HECTD4: variants seen among roughly 807,000 people sequenced by gnomAD.
HECTD4 encodes probable E3 ubiquitin-protein ligase HECTD4.
HECTD4 carries 114 observed loss-of-function variants against 471.5 expected under a neutral mutation model. The ratio of observed to expected loss-of-function variants is 0.24; its 90% CI spans 0.21 to 0.28. The LOEUF (loss-of-function observed/expected upper bound fraction) is 0.28, where lower values mean the gene tolerates loss of function less well. Among genes scored for constraint, HECTD4 ranks in the 10% least tolerant of loss-of-function variants. HECTD4 has a pLI of 1.00. For missense variants in HECTD4, 3,866 were observed against 5,651.5 expected (o/e 0.68, Z 10.13); for synonymous variants, 2,012 against 2,256.0 (o/e 0.89, Z 3.07).
At position 112,282,539 on chromosome 12, in the gene HECTD4, T is replaced by C. The variant is rs138896642; in HGVS notation, c.1528+571A>G. On this transcript the variant is annotated intron_variant, in intron 8 of 75. Coordinates refer to ENST00000682272, the MANE Select transcript of HECTD4 (RefSeq NM_001388303.1). Reference sequence around the variant, plus strand: ...CATAAACAAACACTGGAAGGATAAATGAAAACTAATAAATATAGTTACCTG... The same window carrying C: ...CATAAACAAACACTGGAAGGATAAACGAAAACTAATAAATATAGTTACCTG... Among the ~76,000 whole-genome samples the C allele has an allele frequency of 2.3e-3, 344 of 152,252 alleles. 1 individual carries two copies. Among genetic ancestry groups the C allele is most frequent in the African/African-American group, 7.5e-3 (313 of 41,554 alleles).
At chr12:112,292,766 T>C (rs557353099) in intron 7 of HECTD4, among the ~76,000 whole-genome samples, 11 of 152,186 alleles carry the variant, frequency 7.2e-5, no homozygotes, top group Non-Finnish European at 1.6e-4. Context: ...CTCATGCCTG[T>C]AATCCCAGCA....
At chr12:112,268,164 C>T (rs1007257543) in intron 13 of HECTD4, among the ~76,000 whole-genome samples, 2 of 152,114 alleles carry the variant, frequency 1.3e-5, no homozygotes, top group East Asian at 3.8e-4. Context: ...TAATCAAGTG[C>T]ACATATTTAC....
intron 1 of HECTD4, among the ~76,000 whole-genome samples, chr12:112,340,028 GAC>G (rs1384580491): frequency 6.7e-6 from 1 of 150,146 alleles, no homozygotes; most frequent in African/African-American, 2.5e-5. Flanking sequence ...CAGCCTGGGT[GAC>G]AGAGTGAGAC....
intron 1 of HECTD4, chr12:112,321,864 A>G (rs1207444488): frequency 2.6e-5 from 4 of 152,110 alleles, no homozygotes; most frequent in African/African-American, 9.6e-5. Flanking sequence ...CAATTAGCAA[A>G]GGAGAAAGAA....
chr12:112,286,804 G>A (rs1004212821), intron 7 of HECTD4, among the ~76,000 whole-genome samples: 1 of 152,136 alleles, frequency 6.6e-6, no homozygotes, highest in African/African-American at 2.4e-5. Flanking sequence ...GGCCTCACAA[G>A]GGCCAATGTC....
intron 13 of HECTD4, among the ~76,000 whole-genome samples, chr12:112,268,702 G>A (rs1260749421): frequency 6.6e-6 from 1 of 150,972 alleles, no homozygotes; most frequent in Non-Finnish European, 1.5e-5. Context: ...ATTGCGGTGA[G>A]CTGAGATCAC....
In HECTD4 at chr12:112,314,510, T is replaced by C. The variant is rs757581919; in HGVS notation, c.732A>G (p.Leu244=). 3.9e-6 allele frequency: 6 copies of C among 1,531,950 alleles called. No homozygotes were observed. Among genetic ancestry groups the C allele is most frequent in the South Asian group, 2.4e-5 (2 of 83,960 alleles). 94.9% of individuals were successfully genotyped at this position (1,531,950 alleles called of 1,614,324 possible). The change falls in exon 3 of 76, where the codon CTA becomes CTG. Residue 244 remains leucine, a synonymous_variant. Coordinates refer to ENST00000682272, the MANE Select transcript of HECTD4 (RefSeq NM_001388303.1). Reference sequence around the variant, plus strand: ...ACCCTAGATCCGTCTGTTTCTGTAATAGATGGACTGTGTGGACGAAAGTTT... The same window carrying C: ...ACCCTAGATCCGTCTGTTTCTGTAACAGATGGACTGTGTGGACGAAAGTTT... The part of the protein sequence containing the change: ...SLKTFVHTVH[L]LQKQTDLGSL...
At position 112,359,100 on chromosome 12, in the gene HECTD4, C is replaced by A. The variant is rs1046642516; in HGVS notation, c.177+22852G>T. On this transcript the variant is annotated intron_variant, in intron 1 of 75. Coordinates refer to ENST00000682272, the MANE Select transcript of HECTD4 (RefSeq NM_001388303.1). ...CTGAGGCAGGAGAATGGCGTGAATG[C>A]GGGAGGCAGAGGCTGCAATGAGTCG... 9.2e-5 allele frequency among the ~76,000 whole-genome samples: 14 copies of A among 151,458 alleles called. No homozygotes were observed. In the East Asian group the frequency reaches 2.3e-3, roughly 25 times the overall value.
rs890653160 is a variant in HECTD4 at position 112,382,087 on chromosome 12, G to GGCCGCC, written c.36_41dup (p.Ala14_Ala15dup). 107 of 1,225,402 alleles carry GGCCGCC rather than the reference G, an allele frequency of 8.7e-5. No homozygotes were observed. The highest frequency in any genetic ancestry group is 4.1e-4 in the South Asian group (10 of 24,302). The allele number at this position is 1,225,402 out of a possible 1,614,324, so 75.9% of individuals were successfully genotyped here. ...CCGAGAGCCACTGCGCCGAGTCAGC[G>GGCCGCC]GCCGCCGCCGCCGCCGCCGCCGCGG... On this transcript the variant is annotated inframe_insertion, in exon 1 of 76. Transcript: ENST00000682272.
chr12:112,368,131 A>G, intron 1 of HECTD4, among the ~76,000 whole-genome samples: 1 of 152,226 alleles, frequency 6.6e-6, no homozygotes, highest in East Asian at 1.9e-4. Context: ...TTGTTAATCT[A>G]AAATTGCTAC....
chr12:112,285,644 C>T (rs569557641), intron 7 of HECTD4, among the ~76,000 whole-genome samples: 11 of 152,164 alleles, frequency 7.2e-5, no homozygotes, highest in Non-Finnish European at 1.6e-4. Flanking sequence ...TCAATGAATA[C>T]TCGATTGCTT....
At chr12:112,357,454 G>A (rs992287456) in intron 1 of HECTD4, among the ~76,000 whole-genome samples, 25 of 152,142 alleles carry the variant, frequency 1.6e-4, no homozygotes, top group Non-Finnish European at 5.9e-5. Flanking sequence ...GCTTGAGTCT[G>A]GGAGGTTGAG....
chr12:112,307,235 AC>A (rs1230078912), intron 6 of HECTD4, among the ~76,000 whole-genome samples: 94 of 152,268 alleles, frequency 6.2e-4, no homozygotes, highest in East Asian at 1.9e-4. Context: ...TTTCACATGA[AC>A]TTTTTTCCAG....
Position 112,210,213 on chromosome 12 carries a change from C to T in HECTD4, c.7669G>A (p.Ala2557Thr), listed in dbSNP as rs758569625. 8 of 1,613,774 alleles carry T rather than the reference C, an allele frequency of 5.0e-6. No individual in the cohort carries two copies. The East Asian group carries it at 1.6e-4, about 31-fold the overall frequency. Residue 2557 changes from alanine (A) to threonine (T), a missense_variant, in exon 50 of 76, where the codon GCC becomes ACC. Ala to Thr is a moderately conservative substitution (Grantham distance 58). Coordinates refer to ENST00000682272, the MANE Select transcript of HECTD4 (RefSeq NM_001388303.1). ...TRANFGSRPF[A>T]YAEGQAHRNA... ...CGGTGGGCCTGCCCTTCCGCGTAGGCAAACGGCCGGGAGCCAAAGTTAGCT... is the reference window on the plus strand; with the variant it reads ...CGGTGGGCCTGCCCTTCCGCGTAGGTAAACGGCCGGGAGCCAAAGTTAGCT...
chr12:112,248,257 A>G (rs2033804880), intron 26 of HECTD4, 63 bp downstream of exon 26: 1 of 1,522,866 alleles, frequency 6.6e-7, no homozygotes, highest in Non-Finnish European at 8.9e-7. Flanking sequence ...AAATTAGATC[A>G]CATTCTAAAT....
chr12:112,273,883 G>T, intron 10 of HECTD4, 88 bp from the exon 11 acceptor site: 2 of 1,462,502 alleles, frequency 1.4e-6, no homozygotes, highest in Non-Finnish European at 1.9e-6. Flanking sequence ...AAGTGGAAGG[G>T]CAAGGATGCT....
At chr12:112,341,824 T>G (rs1229248256) in intron 1 of HECTD4, among the ~76,000 whole-genome samples, 12 of 152,198 alleles carry the variant, frequency 7.9e-5, no homozygotes, top group Admixed American at 7.9e-4. Context: ...AGTACTTAGA[T>G]AGTCATTCAA....
At chr12:112,276,106 T>C (rs1259491579) in intron 9 of HECTD4, among the ~76,000 whole-genome samples, 1 of 152,214 alleles carries the variant, frequency 6.6e-6, no homozygotes, top group Non-Finnish European at 1.5e-5. Flanking sequence ...CTCTCCTAAC[T>C]AGACTAAGAG....
rs2031583266 is a variant in HECTD4 at position 112,179,453 on chromosome 12, C to A, written c.10988-56G>T. ...TGCCGTGAACATGCATCGGGACAAG[C>A]CCTGCGAGCATTCTGTTTCCAAACA... On this transcript the variant is annotated intron_variant, in intron 62 of 75. Coordinates refer to ENST00000682272, the MANE Select transcript of HECTD4 (RefSeq NM_001388303.1). This position sits in a 1 kb window ranked among gnomAD's most constrained non-coding sequence, Gnocchi z 4.3. 1 of 1,435,554 alleles carries A rather than the reference C, an allele frequency of 7.0e-7. No individual in the cohort carries two copies. Among genetic ancestry groups the A allele is most frequent in the African/African-American group, 1.4e-5 (1 of 70,998 alleles). The allele number at this position is 1,435,554 out of a possible 1,614,324, so 88.9% of individuals were successfully genotyped here.
Sources: gnomAD v4.1 joint callset for allele counts (sites outside exome capture counted in the v4.1 genomes callset) on GRCh38, gnomAD v4.1.1 for gene constraint, Gnocchi (gnomAD v3.1) non-coding constraint, MANE v1.5 for transcripts, NCBI Gene and HGNC (gene_info 2026-07-23, HGNC 2026-07-21) for gene names.